Variants in ARHGAP42 observed in about 807,000 individuals in gnomAD.
ARHGAP42 encodes rho GTPase-activating protein 42.
A neutral mutation model predicts 125.0 loss-of-function variants in ARHGAP42; 63 were observed. The observed-to-expected ratio is 0.50, with a 90% CI of 0.41 to 0.62. The LOEUF is 0.62. ARHGAP42 is among the 20% of genes least tolerant of loss of function. The pLI is 0.00. For missense variants in ARHGAP42, 766 were observed against 1,024.2 expected, an observed-to-expected ratio of 0.75 and a Z score of 3.44; for synonymous variants, 339 against 351.0, an observed-to-expected ratio of 0.97 and a Z score of 0.38.
chr11:100,890,507 C>T (rs535813794), intron 4 of ARHGAP42, among the ~76,000 whole-genome samples: 2 of 152,224 alleles, frequency 1.3e-5, no homozygotes, highest in Non-Finnish European at 2.9e-5. Context: ...ATGAGGAAAT[C>T]TGAGAAATAA....
chr11:100,784,986 TCTC>T (rs1260133902), intron 2 of ARHGAP42, among the ~76,000 whole-genome samples: 1 of 152,164 alleles, frequency 6.6e-6, no homozygotes, highest in Non-Finnish European at 1.5e-5. Flanking sequence ...ATCAGGTAAA[TCTC>T]CTCCTCCTTT....
At chr11:100,894,635 G>T (rs1866298911) in intron 4 of ARHGAP42, among the ~76,000 whole-genome samples, 1 of 152,098 alleles carries the variant, frequency 6.6e-6, no homozygotes, top group African/African-American at 2.4e-5. Context: ...TTTCCATAAT[G>T]CTGGTTATCA....
At chr11:100,751,991 G>C (rs992289828) in intron 1 of ARHGAP42, among the ~76,000 whole-genome samples, 1 of 151,952 alleles carries the variant, frequency 6.6e-6, no homozygotes, top group Non-Finnish European at 1.5e-5. Flanking sequence ...GGTTGGCCAG[G>C]CTGGTCTGGA....
intron 4 of ARHGAP42, among the ~76,000 whole-genome samples, chr11:100,893,359 GCTT>G (rs1866269921): frequency 1.3e-5 from 2 of 152,050 alleles, no homozygotes; most frequent in African/African-American, 2.4e-5. Context: ...AATAGATAAT[GCTT>G]CTTCTTAGCC....
intron 1 of ARHGAP42, among the ~76,000 whole-genome samples, chr11:100,702,686 T>G (rs1198007378): frequency 2.6e-5 from 4 of 151,228 alleles, no homozygotes; most frequent in African/African-American, 9.7e-5. Flanking sequence ...TTTTTTTTTT[T>G]TTGACACGGA....
chr11:100,731,076 A>G (rs552452205), intron 1 of ARHGAP42, among the ~76,000 whole-genome samples: 5 of 152,252 alleles, frequency 3.3e-5, no homozygotes, highest in Non-Finnish European at 5.9e-5. Context: ...TTACCTTTCA[A>G]TGAAATGACT....
At chr11:100,900,315 C>T (rs1866508227) in intron 4 of ARHGAP42, among the ~76,000 whole-genome samples, 1 of 152,164 alleles carries the variant, frequency 6.6e-6, no homozygotes, top group Non-Finnish European at 1.5e-5. Flanking sequence ...GGTAACCTGA[C>T]CTTTCTCTCT....
chr11:100,826,116 C>T (rs1864510814), intron 3 of ARHGAP42, among the ~76,000 whole-genome samples: 1 of 151,986 alleles, frequency 6.6e-6, no homozygotes, highest in Non-Finnish European at 1.5e-5. Context: ...CCTCCCCTCA[C>T]TTCTCCTTGA....
chr11:100,989,498 T>C lies in ARHGAP42; in HGVS notation c.*697T>C, dbSNP rs1265410162. ...TCTGTAAAGGCCTGATAGCAAATAT[T>C]TTTGTGGTGGGTTGAATTTGGCTTA... On this transcript the variant is annotated 3_prime_UTR_variant, in exon 24 of 24. Transcript: ENST00000298815. 1 of 185,068 alleles carries C rather than the reference T, an allele frequency of 5.4e-6. No individual in the cohort carries two copies. The highest frequency in any genetic ancestry group is 2.3e-5 in the African/African-American group (1 of 42,986). 11.5% of individuals were successfully genotyped at this position (185,068 alleles called of 1,614,324 possible).
chr11:100,915,962 A>T (rs531840763), intron 5 of ARHGAP42, among the ~76,000 whole-genome samples: 2 of 152,312 alleles, frequency 1.3e-5, no homozygotes, highest in Non-Finnish European at 2.9e-5. Flanking sequence ...TCCTTTCTAG[A>T]ACAGCTCTGG....
chr11:100,891,585 G>A (rs1866220119), intron 4 of ARHGAP42, among the ~76,000 whole-genome samples: 2 of 151,810 alleles, frequency 1.3e-5, no homozygotes, highest in Admixed American at 1.3e-4. Context: ...TGGGATTACA[G>A]GTGCACACCA....
intron 6 of ARHGAP42, among the ~76,000 whole-genome samples, chr11:100,929,741 T>A (rs2135255845): frequency 6.6e-6 from 1 of 152,366 alleles, no homozygotes; most frequent in African/African-American, 2.4e-5. Flanking sequence ...TGCCTATTTT[T>A]AAACTAGGTT....
At chr11:100,799,649 G>A (rs1451414583) in intron 3 of ARHGAP42, among the ~76,000 whole-genome samples, 1 of 152,182 alleles carries the variant, frequency 6.6e-6, no homozygotes, top group Non-Finnish European at 1.5e-5. Flanking sequence ...GGTTGGCGAG[G>A]CTGTGATTCA....
intron 2 of ARHGAP42, among the ~76,000 whole-genome samples, chr11:100,779,445 CA>C (rs869248095): frequency 0.033 from 1,773 of 54,126 alleles, 33 homozygotes; most frequent in African/African-American, 0.086. Flanking sequence ...GACTGCGTCT[CA>C]AAAAAAAAAA....
rs529191593 is a variant in ARHGAP42 at position 100,913,584 on chromosome 11, G to A, written c.486+31G>A. On this transcript the variant is annotated intron_variant, in intron 5 of 23. Transcript: ENST00000298815. ...CTTTTCCAACTGAAATAATGGAAAA[G>A]GCATTAAGTCATATAAAGTCAAAAT... 7.4e-5 allele frequency: 88 copies of A among 1,183,324 alleles called. 1 individual carries two copies. In the South Asian group the frequency reaches 1.1e-3, roughly 15 times the overall value. The allele number at this position is 1,183,324 out of a possible 1,614,324, so 73.3% of individuals were successfully genotyped here.
intron 4 of ARHGAP42, among the ~76,000 whole-genome samples, chr11:100,903,754 A>ATATATATATATG (rs1866639275): frequency 8.0e-6 from 1 of 124,614 alleles, no homozygotes; most frequent in Non-Finnish European, 1.7e-5. Flanking sequence ...ATATATATAT[A>ATATATATATATG]TGTATGTAAA....
At chr11:100,735,042 G>A (rs534727326) in intron 1 of ARHGAP42, among the ~76,000 whole-genome samples, 10 of 152,214 alleles carry the variant, frequency 6.6e-5, no homozygotes, top group African/African-American at 2.4e-4. Flanking sequence ...CCTGTGTTTG[G>A]GGTTTGCAGG....
intron 3 of ARHGAP42, among the ~76,000 whole-genome samples, chr11:100,803,984 GTTTTCCAGAACTGTATATT>G (rs1863927266): frequency 6.6e-6 from 1 of 151,918 alleles, no homozygotes; most frequent in Admixed American, 6.6e-5. Flanking sequence ...TTTGCTTTAG[GTTTTCCAGAACTGTATATT>G]TTTTTAGAGA....
intron 22 of ARHGAP42, among the ~76,000 whole-genome samples, chr11:100,982,325 A>G (rs541868676): frequency 6.6e-6 from 1 of 152,334 alleles, no homozygotes; most frequent in South Asian, 2.1e-4. Flanking sequence ...ACTTGTTAAA[A>G]TGAAGATTCC....
Sources: allele counts gnomAD v4.1 joint callset (sites outside exome capture counted in the v4.1 genomes callset), GRCh38; gene constraint gnomAD v4.1.1; transcripts MANE v1.5; gene names NCBI Gene and HGNC (gene_info 2026-07-23, HGNC 2026-07-21).